Variants in CUX1 observed in about 807,000 individuals in gnomAD.
CUX1 encodes protein CASP.
In CUX1, 31 loss-of-function variants were observed where a neutral mutation model predicts 158.8. The ratio of observed to expected loss-of-function variants is 0.20; its 90% CI spans 0.15 to 0.26. The LOEUF is 0.26. CUX1 is among the 10% of genes least tolerant of loss of function. CUX1 has a pLI of 1.00. For missense variants in CUX1, 1,589 were observed against 2,014.6 expected (o/e 0.79, Z 4.04); for synonymous variants, 879 against 862.1 (o/e 1.02, Z -0.34).
At chr7:101,816,852 C>G, upstream of CUX1, 1 of 944,384 alleles carries the variant, frequency 1.1e-6, no homozygotes, top group Non-Finnish European at 1.3e-6. Flanking sequence ...CCCCGGCCGC[C>G]GCCCCCGGCT....
At chr7:102,273,395 A>T in exon 15 of CUX1, 1 of 1,612,514 alleles carries the variant, frequency 6.2e-7, no homozygotes, top group South Asian at 1.1e-5. Flanking sequence ...AGTCCGTATC[A>T]CTGAGGCTGT....
intron 8 of CUX1, among the ~76,000 whole-genome samples, chr7:102,139,356 C>A (rs1834216639): frequency 6.6e-6 from 1 of 151,772 alleles, no homozygotes; most frequent in African/African-American, 2.4e-5. Flanking sequence ...TGGCTGAATC[C>A]AATTTCCTGT....
intron 20 of CUX1, among the ~76,000 whole-genome samples, chr7:102,216,165 G>A (rs193255637): frequency 5.3e-5 from 8 of 152,176 alleles, no homozygotes; most frequent in Admixed American, 1.3e-4. Context: ...TTAGCCAGGC[G>A]TAGTGGTGTG....
At chr7:101,939,870 C>T (rs1807482826) in intron 2 of CUX1, among the ~76,000 whole-genome samples, 1 of 151,978 alleles carries the variant, frequency 6.6e-6, no homozygotes, top group African/African-American at 2.4e-5. Context: ...ATCAGGAGGT[C>T]AGGAGTTCAA....
At chr7:102,144,688 G>A (rs548043204) in intron 8 of CUX1, among the ~76,000 whole-genome samples, 41 of 132,886 alleles carry the variant, frequency 3.1e-4, no homozygotes, top group African/African-American at 1.1e-3. Flanking sequence ...AAAAAAAACA[G>A]TAAAAATAAT....
intron 3 of CUX1, among the ~76,000 whole-genome samples, chr7:102,047,191 A>T (rs1468158445): frequency 2.0e-5 from 3 of 152,150 alleles, no homozygotes; most frequent in Non-Finnish European, 4.4e-5. Context: ...GTTTAGCAAG[A>T]TCTGTATCCC....
chr7:102,201,279 T>C lies in CUX1; in HGVS notation c.2063-81T>C. ...CTCCCAAATAACCCACACTTTGCAGTAGGTCAAGTTAGGATGAGAAGCATG... is the reference window on the plus strand; with the variant it reads ...CTCCCAAATAACCCACACTTTGCAGCAGGTCAAGTTAGGATGAGAAGCATG... On this transcript the variant is annotated intron_variant, in intron 17 of 23. Transcript: ENST00000292535. This position sits in a 1 kb window ranked among gnomAD's most constrained non-coding sequence, Gnocchi z 5.0. The C allele has an allele frequency of 1.3e-6, 2 of 1,544,904 alleles. No individual in the cohort carries two copies. The highest frequency in any genetic ancestry group is 1.7e-6 in the Non-Finnish European group (2 of 1,145,012).
chr7:102,158,517 G>A, intron 8 of CUX1, 43 bp from the exon 9 acceptor site: 1 of 1,607,746 alleles, frequency 6.2e-7, no homozygotes, highest in Non-Finnish European at 8.5e-7. Context: ...CCCTGAGCCG[G>A]TCTCCTTGTG....
At chr7:101,915,072 C>A (rs1025265100) in intron 1 of CUX1, among the ~76,000 whole-genome samples, 1 of 152,044 alleles carries the variant, frequency 6.6e-6, no homozygotes, top group Non-Finnish European at 1.5e-5. Context: ...GGTGATGGTC[C>A]CAACCGTGAG....
At chr7:102,084,372 T>G (rs2130779337) in intron 4 of CUX1, among the ~76,000 whole-genome samples, 1 of 150,080 alleles carries the variant, frequency 6.7e-6, no homozygotes, top group South Asian at 2.1e-4. Context: ...CTAGAAATTT[T>G]TTTGAAGTTT....
In CUX1 at chr7:102,201,022, C is replaced by T. The variant is rs1480290321; in HGVS notation, c.2063-338C>T. 5.2e-5 allele frequency among the ~76,000 whole-genome samples: 4 copies of T among 76,562 alleles called. No individual in the cohort carries two copies. Among genetic ancestry groups the T allele is most frequent in the African/African-American group, 1.2e-4 (2 of 16,562 alleles). 50.2% of individuals were successfully genotyped at this position (76,562 alleles called of 152,430 possible). ...AGCCTGGACAACAGCGAGATCCTGTCGCTAAAAAAAAAAAAAAAAAAAAAA... is the reference window on the plus strand; with the variant it reads ...AGCCTGGACAACAGCGAGATCCTGTTGCTAAAAAAAAAAAAAAAAAAAAAA... On this transcript the variant is annotated intron_variant, in intron 17 of 23. Coordinates refer to ENST00000292535, the MANE Select transcript of CUX1 (RefSeq NM_181552.4). The surrounding 1 kb of genome is among the most constrained non-coding windows in gnomAD (Gnocchi z 5.0).
chr7:102,111,911 A>T, intron 7 of CUX1, 137 bp downstream of exon 7: 1 of 682,884 alleles, frequency 1.5e-6, no homozygotes, highest in Non-Finnish European at 2.5e-6. Context: ...GCCCACGCTG[A>T]AGAATTCCGC....
chr7:101,874,631 G>A (rs1798926376), intron 1 of CUX1, among the ~76,000 whole-genome samples: 1 of 152,170 alleles, frequency 6.6e-6, no homozygotes, highest in Non-Finnish European at 1.5e-5. Context: ...ACTGGCCCAG[G>A]TCCTCAAGCT....
chr7:101,833,562 T>TAAAA (rs534986714), intron 1 of CUX1, among the ~76,000 whole-genome samples: 9 of 75,802 alleles, frequency 1.2e-4, no homozygotes, highest in South Asian at 5.9e-4. Context: ...CTCTGTCTCT[T>TAAAA]AAAAAAAAAA....
At chr7:102,268,826 C>T (rs1274783909) in intron 14 of CUX1, among the ~76,000 whole-genome samples, 3 of 151,848 alleles carry the variant, frequency 2.0e-5, no homozygotes, top group Admixed American at 6.6e-5. Context: ...GGAGGTGCCA[C>T]GCTCCTTAAA....
At chr7:102,279,534 AGAGC>A (rs1554548643) in intron 18 of CUX1, among the ~76,000 whole-genome samples, 1 of 152,088 alleles carries the variant, frequency 6.6e-6, no homozygotes, top group Non-Finnish European at 1.5e-5. Context: ...GAGTGAGAGA[AGAGC>A]GTGGGGCATA....
At chr7:102,107,907 G>C (rs373253352) in intron 6 of CUX1, among the ~76,000 whole-genome samples, 1 of 152,224 alleles carries the variant, frequency 6.6e-6, no homozygotes, top group Non-Finnish European at 1.5e-5. Context: ...CGCATCCATC[G>C]TCCCTGGGGG....
At chr7:102,128,808 T>C (rs1563283078) in intron 8 of CUX1, among the ~76,000 whole-genome samples, 1 of 151,836 alleles carries the variant, frequency 6.6e-6, no homozygotes, top group African/African-American at 2.4e-5. Context: ...GGAAACCCTG[T>C]CTCTATTAAA....
At chr7:102,078,582 G>T (rs1424992319) in intron 4 of CUX1, among the ~76,000 whole-genome samples, 1 of 152,140 alleles carries the variant, frequency 6.6e-6, no homozygotes, top group African/African-American at 2.4e-5. Context: ...AAATATAAAG[G>T]CAGTGCCTGG....
Sources: gnomAD v4.1 joint callset for allele counts (sites outside exome capture counted in the v4.1 genomes callset) on GRCh38, gnomAD v4.1.1 for gene constraint, Gnocchi (gnomAD v3.1) non-coding constraint, MANE v1.5 for transcripts, NCBI Gene and HGNC (gene_info 2026-07-23, HGNC 2026-07-21) for gene names.